ILDR1: variants seen among roughly 807,000 people sequenced by gnomAD.
The protein encoded by ILDR1 is immunoglobulin-like domain-containing receptor 1.
In ILDR1, 56 loss-of-function variants were observed where a neutral mutation model predicts 62.4. That is an observed-to-expected ratio of 0.90 (90% confidence interval 0.72 to 1.12). The LOEUF (loss-of-function observed/expected upper bound fraction) is 1.12. Ranked by LOEUF, ILDR1 falls within the 50% of genes most tolerant of loss-of-function variation. ILDR1 has a pLI of 0.00. For synonymous variants in ILDR1, 284 were observed against 277.8 expected (o/e 1.02, Z -0.22); for missense variants, 736 against 710.6 (o/e 1.04, Z -0.41).
chr3:122,028,142 A>G, the ILDR1 span, among the ~76,000 whole-genome samples: 1 of 151,960 alleles, frequency 6.6e-6, no homozygotes, highest in East Asian at 1.9e-4. Context: ...CCTGGCTAAC[A>G]TGGTGAAACC....
At chr3:121,989,289 G>A (rs1480019214) in intron 7 of ILDR1, among the ~76,000 whole-genome samples, 3 of 152,140 alleles carry the variant, frequency 2.0e-5, no homozygotes, top group Non-Finnish European at 4.4e-5. Flanking sequence ...ATGAAATGTG[G>A]TAAAAGGAAC....
At chr3:122,033,867 T>C in the ILDR1 span, among the ~76,000 whole-genome samples, 1 of 152,212 alleles carries the variant, frequency 6.6e-6, no homozygotes, top group African/African-American at 2.4e-5. Context: ...AGTATCACAC[T>C]CTTTTAACTA....
At chr3:122,051,504 T>C in the ILDR1 span, among the ~76,000 whole-genome samples, 1 of 152,068 alleles carries the variant, frequency 6.6e-6, no homozygotes, top group Non-Finnish European at 1.5e-5. Context: ...TTTCTATCCT[T>C]ATTGAATTTC....
chr3:122,049,067 T>A, the ILDR1 span, among the ~76,000 whole-genome samples: 1 of 152,250 alleles, frequency 6.6e-6, no homozygotes, highest in Non-Finnish European at 1.5e-5. Flanking sequence ...TCCCTCTTAG[T>A]ATTGCATTTG....
At chr3:122,045,693 G>C in the ILDR1 span, among the ~76,000 whole-genome samples, 1 of 151,406 alleles carries the variant, frequency 6.6e-6, no homozygotes, top group Non-Finnish European at 1.5e-5. Flanking sequence ...AGTCTCTTTT[G>C]ATCTTTGTTG....
intron 7 of ILDR1, among the ~76,000 whole-genome samples, chr3:121,990,241 T>C (rs1448486215): frequency 6.6e-6 from 1 of 152,210 alleles, no homozygotes; most frequent in Non-Finnish European, 1.5e-5. Flanking sequence ...CCTCAGTAAA[T>C]GCATTCAAAA....
At chr3:122,035,815 C>CTAA in the ILDR1 span, among the ~76,000 whole-genome samples, 1 of 152,130 alleles carries the variant, frequency 6.6e-6, no homozygotes, top group Non-Finnish European at 1.5e-5. Context: ...TGAAAATGAA[C>CTAA]TAATACAGAA....
chr3:121,995,325 G>A (rs2071420213), intron 5 of ILDR1, among the ~76,000 whole-genome samples: 3 of 152,154 alleles, frequency 2.0e-5, no homozygotes. Flanking sequence ...GGCATTCTCA[G>A]TTCCTCCTTG....
At chr3:122,045,129 G>A in the ILDR1 span, among the ~76,000 whole-genome samples, 24 of 151,206 alleles carry the variant, frequency 1.6e-4, no homozygotes, top group Non-Finnish European at 2.8e-4. Context: ...CTTTGTTCTC[G>A]TTGGTTTCAA....
chr3:122,008,914 C>CT (rs1455171802), intron 1 of ILDR1, among the ~76,000 whole-genome samples: 3 of 150,804 alleles, frequency 2.0e-5, no homozygotes, highest in Non-Finnish European at 4.4e-5. Context: ...ACCTGGCCTT[C>CT]TTTTTTTCTT....
At chr3:122,059,743 G>C in the ILDR1 span, among the ~76,000 whole-genome samples, 1 of 152,064 alleles carries the variant, frequency 6.6e-6, no homozygotes, top group Non-Finnish European at 1.5e-5. Flanking sequence ...CAGGGCTTCA[G>C]GATTTGATCA....
At chr3:122,008,684 C>T (rs189900828) in intron 1 of ILDR1, among the ~76,000 whole-genome samples, 1 of 150,896 alleles carries the variant, frequency 6.6e-6, no homozygotes, top group African/African-American at 2.4e-5. Flanking sequence ...ACCTCCACCT[C>T]TCGGGTTCAT....
the ILDR1 span, among the ~76,000 whole-genome samples, chr3:122,040,231 C>T: frequency 1.3e-5 from 2 of 151,850 alleles, no homozygotes; most frequent in Non-Finnish European, 2.9e-5. Context: ...TACATTCTCA[C>T]CTCACCAACT....
At chr3:122,013,341 C>A (rs2071730957) in intron 1 of ILDR1, among the ~76,000 whole-genome samples, 1 of 152,088 alleles carries the variant, frequency 6.6e-6, no homozygotes, top group Non-Finnish European at 1.5e-5. Context: ...CACTTCCCCT[C>A]CTTTCCTATG....
rs552671131 is a variant in ILDR1, at chr3:122,017,744, A to G, written c.58+4276T>C. ...AAAAATGGGCAAAGGATATGAACAG[A>G]CACTTCTCCAAAGAAGACATTTATG... On this transcript the variant is annotated intron_variant, in intron 1 of 7. Transcript: ENST00000344209. Among the ~76,000 whole-genome samples, 311 of 152,340 alleles carry G rather than the reference A, an allele frequency of 2.0e-3. 1 individual carries two copies. Among genetic ancestry groups the G allele is most frequent in the African/African-American group, 6.7e-3 (280 of 41,576 alleles).
At chr3:121,998,435 A>G (rs908312320) in intron 5 of ILDR1, among the ~76,000 whole-genome samples, 1 of 152,136 alleles carries the variant, frequency 6.6e-6, no homozygotes, top group Non-Finnish European at 1.5e-5. Context: ...AGGACAGTCT[A>G]CCCCAGTGAC....
chr3:122,001,833 C>T lies in ILDR1; in HGVS notation c.411G>A (p.Trp137Ter), dbSNP rs752430182. 1.9e-6 allele frequency: 3 copies of T among 1,613,512 alleles called. No homozygotes were observed. Among genetic ancestry groups the T allele is most frequent in the South Asian group, 2.2e-5 (2 of 91,058 alleles). The change falls in exon 4 of 8, where the codon TGG becomes TGA. Residue 137 changes from tryptophan to a stop codon, truncating the protein, a stop_gained. Coordinates refer to ENST00000344209, the MANE Select transcript of ILDR1 (RefSeq NM_001199799.2). LOFTEE classifies it high-confidence loss of function. ...RADLVINEVMWWDHGVYYCTI... is the reference protein window; with the variant it reads ...RADLVINEVM ...TGCAGTAATACACTCCATGGTCCCA[C>T]CACATCACTTCATTTATCACGAGAT...
chr3:121,999,684 A>G (rs1559874219), intron 5 of ILDR1, among the ~76,000 whole-genome samples: 1 of 152,124 alleles, frequency 6.6e-6, no homozygotes, highest in Non-Finnish European at 1.5e-5. Context: ...TAAGCCCCCA[A>G]ATGACTAACA....
upstream of ILDR1, among the ~76,000 whole-genome samples, chr3:122,023,116 T>A: frequency 6.6e-6 from 1 of 151,060 alleles, no homozygotes; most frequent in South Asian, 2.1e-4. Flanking sequence ...GTATATTTAT[T>A]TATTTATTCT....
Sources: allele counts gnomAD v4.1 joint callset (sites outside exome capture counted in the v4.1 genomes callset), GRCh38; gene constraint gnomAD v4.1.1; transcripts MANE v1.5; gene names NCBI Gene and HGNC (gene_info 2026-07-23, HGNC 2026-07-21).